Variants in LCORL observed in about 807,000 individuals in gnomAD.
LCORL encodes ligand-dependent nuclear receptor corepressor-like protein.
Under a neutral mutation model 141.8 loss-of-function variants are expected in LCORL, and 41 were observed. That is an observed-to-expected ratio of 0.29 (90% CI 0.23 to 0.38). The LOEUF is 0.38. Ranked by LOEUF, LCORL falls within the 10% of genes least tolerant of loss-of-function variation. LCORL has a pLI of 1.00. For missense variants in LCORL, 1,759 were observed against 2,035.0 expected, an observed-to-expected ratio of 0.86 and a Z score of 2.61; for synonymous variants, 618 against 694.1, an observed-to-expected ratio of 0.89 and a Z score of 1.72.
At chr4:17,933,245 G>A (rs371745655) in intron 4 of LCORL, among the ~76,000 whole-genome samples, 4 of 152,164 alleles carry the variant, frequency 2.6e-5, no homozygotes, top group African/African-American at 9.6e-5. Flanking sequence ...TTTCTGGAAA[G>A]TTTTCTCAAA....
intron 1 of LCORL, among the ~76,000 whole-genome samples, chr4:17,990,099 T>A (rs989999828): frequency 3.4e-5 from 5 of 147,460 alleles, no homozygotes; most frequent in African/African-American, 1.3e-4. Context: ...TCTCTGCGTT[T>A]TTTTTTTTTT....
exon 7 of LCORL, chr4:17,876,504 A>G (rs2109185146): frequency 8.1e-7 from 1 of 1,230,808 alleles, no homozygotes; most frequent in Admixed American, 4.2e-5. Context: ...ATTAGAATTC[A>G]TTGCAATTTT....
At chr4:17,849,383 T>A (rs1223301270) in intron 7 of LCORL, among the ~76,000 whole-genome samples, 1 of 152,196 alleles carries the variant, frequency 6.6e-6, no homozygotes, top group African/African-American at 2.4e-5. Flanking sequence ...TCTGCTGTTC[T>A]GCAGCCACCG....
chr4:17,878,305 G>C, intron 6 of LCORL, 92 bp from the exon 7 acceptor site: 1 of 879,884 alleles, frequency 1.1e-6, no homozygotes, highest in South Asian at 6.0e-5. Flanking sequence ...AAGATATTTT[G>C]GTATTGCTGG....
At chr4:17,962,328 C>A (rs1713982409) in intron 3 of LCORL, among the ~76,000 whole-genome samples, 1 of 151,142 alleles carries the variant, frequency 6.6e-6, no homozygotes, top group African/African-American at 2.4e-5. Flanking sequence ...GTAATGCAAT[C>A]CTATCGGAGA....
intron 7 of LCORL, among the ~76,000 whole-genome samples, chr4:17,862,900 T>C (rs1725168031): frequency 6.6e-6 from 1 of 152,084 alleles, no homozygotes; most frequent in Non-Finnish European, 1.5e-5. Flanking sequence ...AAATTATCAA[T>C]AGAGTAAACA....
rs545737338 is a variant in LCORL at position 17,876,285 on chromosome 4, C to T, written c.2705G>A (p.Gly902Asp). ...CATGCAGTGACTATTGATAATATTG[C>T]CGGATGCTACCACAGATTTTGATAA... The change falls in exon 7 of 8, where the codon GGC (glycine) becomes GAC (aspartate). Residue 902 changes from glycine to aspartate, a missense_variant. By Grantham distance (94) the Gly-to-Asp change is moderately conservative. Around this residue, in one of 5 missense-constraint regions of LCORL, gnomAD observed 1,311 missense variants for 1,531.3 expected, o/e 0.86. Transcript: ENST00000635767. 4,701 of 1,230,950 alleles carry T rather than the reference C, an allele frequency of 3.8e-3. 9 individuals are homozygous for T. Among genetic ancestry groups the T allele is most frequent in the Non-Finnish European group, 4.2e-3 (4,190 of 987,142 alleles). The allele number at this position is 1,230,950 out of a possible 1,614,324, so 76.3% of individuals were successfully genotyped here.
intron 1 of LCORL, among the ~76,000 whole-genome samples, chr4:18,015,157 T>C (rs765590895): frequency 6.6e-5 from 10 of 152,124 alleles, no homozygotes; most frequent in Non-Finnish European, 1.2e-4. Flanking sequence ...ACAGAAGAAT[T>C]AAAGACCAGG....
intron 5 of LCORL, among the ~76,000 whole-genome samples, chr4:17,887,391 G>A (rs1728427982): frequency 6.6e-6 from 1 of 152,090 alleles, no homozygotes; most frequent in African/African-American, 2.4e-5. Context: ...TGAGGGTGGG[G>A]CTGAGAATGC....
chr4:17,955,602 G>A (rs899775156), intron 4 of LCORL, among the ~76,000 whole-genome samples: 5 of 152,028 alleles, frequency 3.3e-5, no homozygotes, highest in Admixed American at 6.6e-5. Context: ...ATTTTTAGTC[G>A]GTGGAGGTTT....
Position 17,884,782 on chromosome 4 carries a change from CTG to C in LCORL, c.776+1284_776+1285del. 1 of 1,259,026 alleles carries C rather than the reference CTG, an allele frequency of 7.9e-7. No homozygotes were observed. The highest frequency in any genetic ancestry group is 1.1e-6 in the Non-Finnish European group (1 of 933,556). The allele number at this position is 1,259,026 out of a possible 1,614,324, so 78.0% of individuals were successfully genotyped here. ...ATGGATGGAATGAAACGATGGTAAA[CTG>C]ATGCATGAGAGACTCTCACACAGCT... On this transcript the variant is annotated intron_variant, in intron 6 of 7. Transcript: ENST00000635767. The surrounding 1 kb of genome is among the most constrained non-coding windows in gnomAD (Gnocchi z 4.4).
chr4:18,019,959 T>A (rs1043740035), intron 1 of LCORL, among the ~76,000 whole-genome samples: 3 of 152,066 alleles, frequency 2.0e-5, no homozygotes, highest in Non-Finnish European at 4.4e-5. Context: ...ACCTAGAGGT[T>A]TTTTTTTACA....
intron 5 of LCORL, among the ~76,000 whole-genome samples, chr4:17,889,155 C>T (rs79611936): frequency 0.036 from 5,515 of 152,080 alleles, 147 homozygotes; most frequent in South Asian, 0.062. Context: ...TACTCACACA[C>T]GAAGCACCAA....
chr4:17,886,996 T>C (rs1160938546), intron 5 of LCORL, among the ~76,000 whole-genome samples: 1 of 152,064 alleles, frequency 6.6e-6, no homozygotes, highest in Non-Finnish European at 1.5e-5. Flanking sequence ...TAAGAAAAAT[T>C]ATTATTGAAA....
chr4:17,847,008 T>C (rs1465135523), intron 7 of LCORL, among the ~76,000 whole-genome samples: 2 of 152,134 alleles, frequency 1.3e-5, no homozygotes, highest in African/African-American at 2.4e-5. Flanking sequence ...TCAATAAACA[T>C]TTATAAAAAG....
chr4:17,923,569 C>G (rs753832917), intron 4 of LCORL, among the ~76,000 whole-genome samples: 5 of 152,104 alleles, frequency 3.3e-5, no homozygotes, highest in Non-Finnish European at 5.9e-5. Flanking sequence ...TCGCTCGAAC[C>G]CGGGAGGCGG....
At chr4:17,894,409 G>A (rs904158918) in intron 5 of LCORL, among the ~76,000 whole-genome samples, 3 of 152,128 alleles carry the variant, frequency 2.0e-5, no homozygotes, top group Non-Finnish European at 4.4e-5. Flanking sequence ...AATTATTGCA[G>A]ACCTTTTATG....
At position 18,005,042 on chromosome 4, in the gene LCORL, C is replaced by A. The variant is rs370426680; in HGVS notation, c.154+16556G>T. 2.0e-4 allele frequency among the ~76,000 whole-genome samples: 30 copies of A among 151,988 alleles called. 1 individual carries two copies. Among genetic ancestry groups the A allele is most frequent in the Non-Finnish European group, 3.8e-4 (26 of 67,990 alleles). On this transcript the variant is annotated intron_variant, in intron 1 of 7. Coordinates refer to ENST00000635767, the Ensembl canonical transcript of LCORL. The stretch of plus-strand genomic sequence containing the variant: ...AAGCAATTCTCCTGCCGCAGCCTCC[C>A]GAGTAGCTGGGATTACAGGTGCCTG...
At chr4:17,957,772 A>G (rs779569870) in intron 4 of LCORL, among the ~76,000 whole-genome samples, 6 of 152,004 alleles carry the variant, frequency 3.9e-5, no homozygotes, top group African/African-American at 1.2e-4. Flanking sequence ...TCATAATGGT[A>G]TATCAGTTAT....
Sources: allele counts gnomAD v4.1 joint callset (sites outside exome capture counted in the v4.1 genomes callset), GRCh38; gene constraint gnomAD v4.1.1; regional missense constraint gnomAD v4.1.1; non-coding constraint Gnocchi (gnomAD v3.1); transcripts MANE v1.5; gene names NCBI Gene and HGNC (gene_info 2026-07-23, HGNC 2026-07-21).